The following CTNND2 variants were observed in gnomAD, a reference collection of about 807,000 sequenced individuals.
CTNND2 encodes the protein catenin delta 2.
Under a neutral mutation model 144.4 loss-of-function variants are expected in CTNND2, and 22 were observed. The observed-to-expected ratio is 0.15, with a 90% CI of 0.11 to 0.22. The LOEUF is 0.22. Among genes scored for constraint, CTNND2 ranks in the 10% least tolerant of loss-of-function variants. The probability of loss-of-function intolerance (pLI) is 1.00; values close to 1 mark genes in which losing one functional copy is unlikely to be tolerated. For synonymous variants in CTNND2, 751 were observed against 695.6 expected, an observed-to-expected ratio of 1.08 and a Z score of -1.25; for missense variants, 1,353 against 1,618.8, an observed-to-expected ratio of 0.84 and a Z score of 2.82.
rs530211239 is a variant in CTNND2 at position 11,869,383 on chromosome 5, T to G, written c.37+34434A>C. Among the ~76,000 whole-genome samples the G allele has an allele frequency of 2.4e-4, 37 of 152,362 alleles. No individual in the cohort carries two copies. The South Asian group carries it at 7.5e-3, about 31-fold the overall frequency. ...GTGGTTTATTCATACAATGGAATAT[T>G]ATTCTGACATAAGAAGGTGCCAACT... On this transcript the variant is annotated intron_variant, in intron 1 of 21. Transcript: ENST00000304623.
intron 9 of CTNND2, among the ~76,000 whole-genome samples, chr5:11,254,717 A>G (rs1744053036): frequency 6.6e-6 from 1 of 152,206 alleles, no homozygotes; most frequent in Non-Finnish European, 1.5e-5. Context: ...AAATGTATAA[A>G]ATACTTTTCT....
At chr5:11,694,404 C>T (rs1251046877) in intron 2 of CTNND2, among the ~76,000 whole-genome samples, 5 of 151,224 alleles carry the variant, frequency 3.3e-5, no homozygotes, top group Non-Finnish European at 7.4e-5. Context: ...CACTGCACCT[C>T]CAGCCTGGGT....
intron 2 of CTNND2, among the ~76,000 whole-genome samples, chr5:11,661,641 A>G (rs1481503989): frequency 6.6e-6 from 1 of 152,108 alleles, no homozygotes; most frequent in East Asian, 1.9e-4. Context: ...AAAAATCATC[A>G]ATTTCCTAGT....
At chr5:11,389,045 A>C (rs533271059) in intron 6 of CTNND2, among the ~76,000 whole-genome samples, 1 of 152,382 alleles carries the variant, frequency 6.6e-6, no homozygotes, top group Admixed American at 6.5e-5. Flanking sequence ...CTGAAAATAA[A>C]AATAATGATA....
At chr5:11,478,843 G>A (rs1395582512) in intron 3 of CTNND2, among the ~76,000 whole-genome samples, 2 of 152,110 alleles carry the variant, frequency 1.3e-5, no homozygotes, top group African/African-American at 4.8e-5. Context: ...TCAATTATTA[G>A]ATTTAAGGTT....
intron 2 of CTNND2, among the ~76,000 whole-genome samples, chr5:11,692,692 T>C (rs73059755): frequency 0.13 from 20,455 of 152,246 alleles, 4,511 homozygotes; most frequent in African/African-American, 0.46. Flanking sequence ...ATCTCCATCT[T>C]CTGGGTTCAA....
At chr5:11,284,909 C>T (rs1304725132) in intron 9 of CTNND2, among the ~76,000 whole-genome samples, 1 of 152,146 alleles carries the variant, frequency 6.6e-6, no homozygotes, top group African/African-American at 2.4e-5. Context: ...TAGCAGAAAC[C>T]AGAAATCTGC....
intron 3 of CTNND2, among the ~76,000 whole-genome samples, chr5:11,533,739 T>C (rs917019969): frequency 1.3e-5 from 2 of 152,226 alleles, no homozygotes; most frequent in Non-Finnish European, 2.9e-5. Flanking sequence ...CAAAACCTGA[T>C]GTGTATTTAT....
chr5:10,979,015 T>C (rs1369996715), intron 21 of CTNND2, among the ~76,000 whole-genome samples: 1 of 152,184 alleles, frequency 6.6e-6, no homozygotes, highest in Non-Finnish European at 1.5e-5. Flanking sequence ...AGGGCGTTTC[T>C]TCAATGCCAA....
At chr5:11,657,755 A>G (rs1782991841) in intron 2 of CTNND2, among the ~76,000 whole-genome samples, 1 of 152,146 alleles carries the variant, frequency 6.6e-6, no homozygotes, top group Non-Finnish European at 1.5e-5. Context: ...TGATAAACCT[A>G]TTGTGCATAA....
chr5:11,604,426 T>G (rs1257758147), intron 2 of CTNND2, among the ~76,000 whole-genome samples: 1 of 152,214 alleles, frequency 6.6e-6, no homozygotes, highest in Non-Finnish European at 1.5e-5. Context: ...CTTTCAAAGA[T>G]GAGGGAGATT....
chr5:11,870,074 C>T (rs568893351), intron 1 of CTNND2, among the ~76,000 whole-genome samples: 1 of 152,138 alleles, frequency 6.6e-6, no homozygotes, highest in Admixed American at 6.5e-5. Context: ...CATCCACTAC[C>T]ACAATGCCTA....
chr5:11,350,007 C>A (rs901657219), intron 8 of CTNND2, among the ~76,000 whole-genome samples: 1 of 152,186 alleles, frequency 6.6e-6, no homozygotes, highest in Admixed American at 6.5e-5. Flanking sequence ...CGTGGTGGCA[C>A]GTGCCTGTAA....
chr5:11,018,582 GAATAATA>G (rs1741877620), intron 17 of CTNND2, among the ~76,000 whole-genome samples: 1 of 152,026 alleles, frequency 6.6e-6, no homozygotes, highest in Non-Finnish European at 1.5e-5. Context: ...GTGAACACAC[GAATAATA>G]AGAAAGTAAA....
In CTNND2 at chr5:11,502,027, CAAAAAAAAAAAAA is replaced by C. The variant is rs547364682; in HGVS notation, c.287+62904_287+62916del. On this transcript the variant is annotated intron_variant, in intron 3 of 21. Coordinates refer to ENST00000304623, the MANE Select transcript of CTNND2 (RefSeq NM_001332.4). ...TGGGTGACAGAGCGAGACTCCATCT[CAAAAAAAAAAAAA>C]AAAAAAAAAAAAAGAAGGGGCAGGC... 1.6e-4 allele frequency among the ~76,000 whole-genome samples: 9 copies of C among 57,264 alleles called. No individual in the cohort carries two copies. In the South Asian group the frequency reaches 3.2e-3, roughly 20 times the overall value. The allele number at this position is 57,264 out of a possible 152,430, so 37.6% of individuals were successfully genotyped here. A position where few individuals can be genotyped will look rare whatever the true frequency, so the allele number is the denominator to read the frequency against.
chr5:11,453,585 A>C (rs1376450788), intron 3 of CTNND2, among the ~76,000 whole-genome samples: 1 of 152,226 alleles, frequency 6.6e-6, no homozygotes, highest in African/African-American at 2.4e-5. Context: ...AGAATCATTA[A>C]TGACAAATCA....
chr5:11,473,034 C>T (rs1213814032), intron 3 of CTNND2, among the ~76,000 whole-genome samples: 1 of 152,142 alleles, frequency 6.6e-6, no homozygotes, highest in Non-Finnish European at 1.5e-5. Flanking sequence ...CGTACCACCA[C>T]ACTCCAGCCT....
intron 3 of CTNND2, among the ~76,000 whole-genome samples, chr5:11,416,098 C>T (rs1761913149): frequency 6.6e-6 from 1 of 152,162 alleles, no homozygotes; most frequent in Admixed American, 6.6e-5. Context: ...TGCTCTTGCT[C>T]TTCGATTTCT....
intron 2 of CTNND2, among the ~76,000 whole-genome samples, chr5:11,585,867 A>T (rs554062061): frequency 6.6e-6 from 1 of 152,112 alleles, no homozygotes; most frequent in Non-Finnish European, 1.5e-5. Context: ...AGGGGCTAGG[A>T]CGGTGCTTCA....
Sources: allele counts gnomAD v4.1 joint callset (sites outside exome capture counted in the v4.1 genomes callset), GRCh38; gene constraint gnomAD v4.1.1; transcripts MANE v1.5; gene names NCBI Gene and HGNC (gene_info 2026-07-23, HGNC 2026-07-21).